The following SMAD3 variants were observed in gnomAD, a reference collection of about 807,000 sequenced individuals.
The protein encoded by SMAD3 is SMAD family member 3.
In SMAD3, 12 loss-of-function variants were observed where a neutral mutation model predicts 51.8. The ratio of observed to expected loss-of-function variants is 0.23; its 90% CI spans 0.15 to 0.38. The LOEUF is 0.38. Ranked by LOEUF, SMAD3 falls within the 10% of genes least tolerant of loss-of-function variation. The probability of loss-of-function intolerance (pLI) is 1.00; values close to 1 mark genes in which losing one functional copy is unlikely to be tolerated. For synonymous variants in SMAD3, 238 were observed against 227.7 expected (o/e 1.05, Z -0.41); for missense variants, 294 against 565.6 (o/e 0.52, Z 4.87).
intron 2 of SMAD3, 73 bp from the exon 3 acceptor site, chr15:67,165,180 T>A (rs1962546308): frequency 1.9e-6 from 3 of 1,612,934 alleles, no homozygotes; most frequent in Non-Finnish European, 2.5e-6. Flanking sequence ...TGCGGTGCAC[T>A]TGGGGGTGCG....
At chr15:67,104,713 C>A (rs547706734) in intron 1 of SMAD3, among the ~76,000 whole-genome samples, 1 of 152,252 alleles carries the variant, frequency 6.6e-6, no homozygotes, top group East Asian at 1.9e-4. Context: ...CTTGTTTCCC[C>A]GATGGTCATT....
chr15:67,139,294 G>A (rs2118608), intron 1 of SMAD3, among the ~76,000 whole-genome samples: 147,974 of 152,226 alleles, frequency 0.97, 72,048 homozygotes, highest in East Asian at 1. Context: ...ATATCTCGTT[G>A]CGTCAGGTTT....
intron 1 of SMAD3, among the ~76,000 whole-genome samples, chr15:67,143,343 A>T (rs1961884248): frequency 2.0e-5 from 3 of 152,388 alleles, no homozygotes; most frequent in African/African-American, 7.2e-5. Flanking sequence ...CAGTGAGCAA[A>T]GGCAGACACC....
intron 1 of SMAD3, among the ~76,000 whole-genome samples, chr15:67,163,152 T>C (rs973754714): frequency 6.6e-6 from 1 of 152,068 alleles, no homozygotes; most frequent in Non-Finnish European, 1.5e-5. Context: ...TTTTGTACTT[T>C]TAGTAGAGAC....
At chr15:67,106,596 C>T (rs1960882179) in intron 1 of SMAD3, among the ~76,000 whole-genome samples, 2 of 152,120 alleles carry the variant, frequency 1.3e-5, no homozygotes. Flanking sequence ...AGGTCAGGGG[C>T]CATTTCTTTT....
chr15:67,165,149 C>T, intron 2 of SMAD3, 61 bp downstream of exon 2: 3 of 1,585,016 alleles, frequency 1.9e-6, no homozygotes, highest in East Asian at 2.2e-5. Context: ...CTCTCCCCGG[C>T]TCCCCATCCC....
At position 67,131,965 on chromosome 15, in the gene SMAD3, T is replaced by TC. The variant is rs530833164; in HGVS notation, c.207-32925dup. On this transcript the variant is annotated intron_variant, in intron 1 of 8. Transcript: ENST00000327367. ...AACATCTCTGTCTGTTCCTCCAATC[T>TC]CCCCCTTCTGTCTTATCATGCAGGG... 3.9e-5 allele frequency among the ~76,000 whole-genome samples: 6 copies of TC among 152,202 alleles called. No homozygotes were observed. In the South Asian group the frequency reaches 1.2e-3, roughly 32 times the overall value.
Position 67,193,682 on chromosome 15 carries a change from TGTC to T in SMAD3, c.*3147_*3149del, listed in dbSNP as rs1963425431. 1 of 233,494 alleles carries T rather than the reference TGTC, an allele frequency of 4.3e-6. No homozygotes were observed. The highest frequency in any genetic ancestry group is 5.6e-5 in the Admixed American group (1 of 17,778). The allele number at this position is 233,494 out of a possible 1,614,324, so 14.5% of individuals were successfully genotyped here. On this transcript the variant is annotated 3_prime_UTR_variant, in exon 9 of 9. Transcript: ENST00000327367. ...GCAGACGTCTCCATTGTCCTTATGT[TGTC>T]TGTGTTGTATTTTTTTTTTTTTATT...
intron 5 of SMAD3, among the ~76,000 whole-genome samples, chr15:67,180,162 G>T (rs1038795111): frequency 6.6e-6 from 1 of 152,300 alleles, no homozygotes; most frequent in African/African-American, 2.4e-5. Context: ...CAGAGAAGCA[G>T]TTGGAAGAGG....
At chr15:67,149,237 C>T (rs561041598) in intron 1 of SMAD3, among the ~76,000 whole-genome samples, 3 of 152,280 alleles carry the variant, frequency 2.0e-5, no homozygotes, top group Admixed American at 2.0e-4. Context: ...GTGGCTGCAA[C>T]ATTTTACCTC....
intron 1 of SMAD3, among the ~76,000 whole-genome samples, chr15:67,097,894 C>A (rs1313280853): frequency 6.6e-6 from 1 of 152,180 alleles, no homozygotes; most frequent in Non-Finnish European, 1.5e-5. Flanking sequence ...CTAAGTAGTT[C>A]TTCAGGCTGT....
At chr15:67,133,861 G>A (rs1566979031) in intron 1 of SMAD3, among the ~76,000 whole-genome samples, 2 of 152,182 alleles carry the variant, frequency 1.3e-5, no homozygotes, top group South Asian at 2.1e-4. Flanking sequence ...AAGGGTAAGC[G>A]ACTTGCCTAA....
At chr15:67,144,781 C>T (rs1757186199) in intron 1 of SMAD3, among the ~76,000 whole-genome samples, 1 of 152,168 alleles carries the variant, frequency 6.6e-6, no homozygotes, top group African/African-American at 2.4e-5. Context: ...GCCTGATGCA[C>T]GTTTCCAGTT....
chr15:67,141,615 A>G (rs1961824591), intron 1 of SMAD3, among the ~76,000 whole-genome samples: 1 of 152,214 alleles, frequency 6.6e-6, no homozygotes, highest in Non-Finnish European at 1.5e-5. Context: ...TACCAGGACC[A>G]GGCGGCAAAA....
At chr15:67,093,166 C>G (rs549801503) in intron 1 of SMAD3, among the ~76,000 whole-genome samples, 87 of 152,242 alleles carry the variant, frequency 5.7e-4, no homozygotes, top group African/African-American at 2.0e-3. Context: ...GGTGTCAGGA[C>G]AGGACTCCTG....
chr15:67,112,353 G>T (rs1351483129), intron 1 of SMAD3, among the ~76,000 whole-genome samples: 1 of 132,938 alleles, frequency 7.5e-6, no homozygotes, highest in Non-Finnish European at 1.6e-5. Flanking sequence ...TAGAGATGAG[G>T]TTTCACCGTG....
At chr15:67,076,283 T>C (rs1248535657) in intron 1 of SMAD3, among the ~76,000 whole-genome samples, 4 of 152,330 alleles carry the variant, frequency 2.6e-5, no homozygotes, top group Non-Finnish European at 1.5e-5. Flanking sequence ...TAAAAATTTG[T>C]TTGGTCGACT....
At chr15:67,116,236 C>T (rs921229455) in intron 1 of SMAD3, among the ~76,000 whole-genome samples, 2 of 152,170 alleles carry the variant, frequency 1.3e-5, no homozygotes, top group Admixed American at 6.5e-5. Flanking sequence ...TGATGGGCTG[C>T]CTCCAGGTAG....
At chr15:67,117,649 C>T (rs1961165283) in intron 1 of SMAD3, among the ~76,000 whole-genome samples, 1 of 152,068 alleles carries the variant, frequency 6.6e-6, no homozygotes. Flanking sequence ...TGTGGTTTGT[C>T]GAGCATGGAT....
Sources: allele counts gnomAD v4.1 joint callset (sites outside exome capture counted in the v4.1 genomes callset), GRCh38; gene constraint gnomAD v4.1.1; transcripts MANE v1.5; gene names NCBI Gene and HGNC (gene_info 2026-07-23, HGNC 2026-07-21).